The following SATB1 variants were observed in gnomAD, a reference collection of about 807,000 sequenced individuals.
The protein encoded by SATB1 is DNA-binding protein SATB1.
SATB1 carries 11 observed loss-of-function variants against 86.9 expected under a neutral mutation model. The ratio of observed to expected loss-of-function variants is 0.13; its 90% CI spans 0.08 to 0.21. SATB1 has a LOEUF of 0.21. SATB1 is among the 10% of genes least tolerant of loss of function. The pLI is 1.00. For synonymous variants in SATB1, 357 were observed against 357.2 expected, an observed-to-expected ratio of 1.00 and a Z score of 0.01; for missense variants, 551 against 937.6, an observed-to-expected ratio of 0.59 and a Z score of 5.39.
intron 1 of SATB1, among the ~76,000 whole-genome samples, chr3:18,437,597 C>T (rs1406825613): frequency 1.3e-5 from 2 of 152,104 alleles, no homozygotes; most frequent in African/African-American, 4.8e-5. Flanking sequence ...TACAGTGATT[C>T]TATACAAACT....
chr3:18,379,768 T>A, intron 8 of SATB1, among the ~76,000 whole-genome samples: 1 of 152,154 alleles, frequency 6.6e-6, no homozygotes, highest in Non-Finnish European at 1.5e-5. Context: ...ATACCACCTT[T>A]CCAAGCATGG....
intron 2 of SATB1, among the ~76,000 whole-genome samples, chr3:18,419,707 T>C (rs1698294654): frequency 6.6e-6 from 1 of 152,216 alleles, no homozygotes; most frequent in Non-Finnish European, 1.5e-5. Flanking sequence ...GATGCATACA[T>C]TCTTGGCAAA....
chr3:18,390,935 C>T (rs756287973), intron 7 of SATB1, among the ~76,000 whole-genome samples: 27 of 152,234 alleles, frequency 1.8e-4, no homozygotes, highest in Middle Eastern at 6.8e-3. Context: ...TTGGCAATTA[C>T]TTTTAGCCAT....
chr3:18,437,189 A>G (rs1559468922), intron 1 of SATB1, among the ~76,000 whole-genome samples: 1 of 152,198 alleles, frequency 6.6e-6, no homozygotes, highest in Non-Finnish European at 1.5e-5. Context: ...CAATTAAATA[A>G]GCTTTTAATG....
intron 2 of SATB1, among the ~76,000 whole-genome samples, chr3:18,419,439 C>T (rs928337749): frequency 1.3e-5 from 2 of 152,140 alleles, no homozygotes; most frequent in South Asian, 2.1e-4. Context: ...GTAAACAGCA[C>T]GTCTGCCATA....
chr3:18,388,616 C>T (rs1414609017), intron 7 of SATB1, among the ~76,000 whole-genome samples: 1 of 152,042 alleles, frequency 6.6e-6, no homozygotes, highest in Non-Finnish European at 1.5e-5. Context: ...AGAAAACAAT[C>T]ACAAACAGGT....
At chr3:18,365,400 T>G (rs1695136556) in intron 9 of SATB1, among the ~76,000 whole-genome samples, 1 of 151,326 alleles carries the variant, frequency 6.6e-6, no homozygotes, top group African/African-American at 2.4e-5. Flanking sequence ...AGATACAGGA[T>G]AGAGGCAGGA....
intron 9 of SATB1, among the ~76,000 whole-genome samples, chr3:18,368,282 TAGATTA>T (rs1695289572): frequency 6.6e-6 from 1 of 152,058 alleles, no homozygotes; most frequent in African/African-American, 2.4e-5. Flanking sequence ...ATTACAAAGG[TAGATTA>T]AGATGGGAGA....
In SATB1 at chr3:18,430,928, G is replaced by A. The variant is rs570815051; in HGVS notation, c.-25+5861C>T. Among the ~76,000 whole-genome samples the A allele has an allele frequency of 5.9e-5, 9 of 152,300 alleles. No homozygotes were observed. The South Asian group carries it at 1.9e-3, about 32-fold the overall frequency. On this transcript the variant is annotated intron_variant, in intron 2 of 3. Coordinates refer to the SATB1 transcript ENST00000414509. ...GTTTGTTTTGGGAGATCTGGAGAGG[G>A]AAAACGAGCAGCCATTGCAGCTGGC...
intron 9 of SATB1, among the ~76,000 whole-genome samples, chr3:18,372,560 CAATTGTTCTATTT>C (rs1015686669): frequency 6.6e-6 from 1 of 151,898 alleles, no homozygotes; most frequent in African/African-American, 2.4e-5. Context: ...GATAAGTAAG[CAATTGTTCTATTT>C]AATAATTCTG....
At chr3:18,377,818 T>C (rs1695841069) in intron 9 of SATB1, among the ~76,000 whole-genome samples, 1 of 152,026 alleles carries the variant, frequency 6.6e-6, no homozygotes, top group African/African-American at 2.4e-5. Flanking sequence ...GGAAAAAAAA[T>C]AAAGATCATC....
intron 7 of SATB1, among the ~76,000 whole-genome samples, chr3:18,387,827 T>C (rs1696422665): frequency 6.6e-6 from 1 of 152,162 alleles, no homozygotes. Flanking sequence ...GTCAAAACAA[T>C]GAAGCCCCAA....
chr3:18,407,589 T>C (rs926632520), intron 5 of SATB1, among the ~76,000 whole-genome samples: 1 of 152,020 alleles, frequency 6.6e-6, no homozygotes, highest in Non-Finnish European at 1.5e-5. Flanking sequence ...ATTGGTACTA[T>C]TATCTTCCGA....
At chr3:18,434,648 T>A (rs185613784) in intron 2 of SATB1, among the ~76,000 whole-genome samples, 1 of 152,142 alleles carries the variant, frequency 6.6e-6, no homozygotes, top group East Asian at 1.9e-4. Context: ...CTCTACTCAC[T>A]AGCTGAGTGA....
chr3:18,412,394 G>A lies in SATB1; in HGVS notation c.639+2717C>T, dbSNP rs533503283. Among the ~76,000 whole-genome samples, 145 of 152,090 alleles carry A rather than the reference G, an allele frequency of 9.5e-4. 1 individual carries two copies. Among genetic ancestry groups the A allele is most frequent in the African/African-American group, 3.3e-3 (137 of 41,504 alleles). Reference sequence around the variant, plus strand: ...CCCAGTTCCACTCCTCCTGGCCCCTGCTCTATAAAAGGAATTTACCTGCCC... The same window carrying A: ...CCCAGTTCCACTCCTCCTGGCCCCTACTCTATAAAAGGAATTTACCTGCCC... On this transcript the variant is annotated intron_variant, in intron 5 of 10. Transcript: ENST00000338745.
At chr3:18,351,462 G>A (rs796770892) in intron 10 of SATB1, 5 of 1,350,856 alleles carry the variant, frequency 3.7e-6, no homozygotes, top group Non-Finnish European at 5.1e-6. Flanking sequence ...TCTGTAAAGT[G>A]TGGGGAGACA....
At chr3:18,365,241 C>T (rs995703716) in intron 9 of SATB1, among the ~76,000 whole-genome samples, 29 of 152,188 alleles carry the variant, frequency 1.9e-4, no homozygotes, top group African/African-American at 2.2e-4. Context: ...TAAATTGTTA[C>T]GGGTATTGAC....
At chr3:18,438,607 G>A (rs1202256719) in exon 1 of SATB1, 2 of 152,236 alleles carry the variant, frequency 1.3e-5, no homozygotes, top group African/African-American at 4.8e-5. Flanking sequence ...AGCCCTACAG[G>A]AGATGTCTGA....
chr3:18,441,036 G>A (rs1699230326), upstream of SATB1, among the ~76,000 whole-genome samples: 1 of 152,104 alleles, frequency 6.6e-6, no homozygotes, highest in Non-Finnish European at 1.5e-5. Flanking sequence ...TGCCACTTTG[G>A]TCTTTTCAAT....
Sources: allele counts gnomAD v4.1 joint callset (sites outside exome capture counted in the v4.1 genomes callset), GRCh38; gene constraint gnomAD v4.1.1; transcripts MANE v1.5; gene names NCBI Gene and HGNC (gene_info 2026-07-23, HGNC 2026-07-21).